Variants in UTS2 observed in about 807,000 individuals in gnomAD.
The protein encoded by UTS2 is urotensin-2.
UTS2 carries 10 observed loss-of-function variants against 12.6 expected under a neutral mutation model. The observed-to-expected ratio is 0.80, with a 90% CI of 0.49 to 1.35. The LOEUF (loss-of-function observed/expected upper bound fraction) is 1.35. Ranked by LOEUF, UTS2 falls within the 40% of genes most tolerant of loss-of-function variation. The probability of loss-of-function intolerance (pLI) is 0.00; values close to 1 mark genes in which losing one functional copy is unlikely to be tolerated. For missense variants in UTS2, 142 were observed against 143.2 expected, an observed-to-expected ratio of 0.99 and a Z score of 0.04; for synonymous variants, 52 against 50.0, an observed-to-expected ratio of 1.04 and a Z score of -0.17.
chr1:7,853,880 T>A (rs138772078), upstream of UTS2, among the ~76,000 whole-genome samples: 111 of 152,346 alleles, frequency 7.3e-4, no homozygotes, highest in Middle Eastern at 0.027. Flanking sequence ...AGCATCTGCA[T>A]AAGTCAGATC....
chr1:7,867,090 G>C, the UTS2 span, among the ~76,000 whole-genome samples: 3 of 152,090 alleles, frequency 2.0e-5, no homozygotes, highest in African/African-American at 7.2e-5. Context: ...GGATGGTCTT[G>C]AACTCCTGAC....
At chr1:7,890,964 T>TCCCC in the UTS2 span, among the ~76,000 whole-genome samples, 1,336 of 82,234 alleles carry the variant, frequency 0.016, 13 homozygotes, top group Non-Finnish European at 0.027. Context: ...TGTGATACCC[T>TCCCC]CCACCCCCCC....
chr1:7,885,234 T>C, the UTS2 span, among the ~76,000 whole-genome samples: 1 of 152,240 alleles, frequency 6.6e-6, no homozygotes, highest in Non-Finnish European at 1.5e-5. Flanking sequence ...TGGAAAGTTT[T>C]CCAAAGGTAA....
the UTS2 span, among the ~76,000 whole-genome samples, chr1:7,894,492 C>T: frequency 1.3e-5 from 2 of 152,150 alleles, no homozygotes; most frequent in African/African-American, 4.8e-5. Flanking sequence ...GATTTCTTAG[C>T]ACAAGGGCTG....
chr1:7,861,932 G>C, the UTS2 span, among the ~76,000 whole-genome samples: 1 of 144,464 alleles, frequency 6.9e-6, no homozygotes. Context: ...TTTTTTTTCT[G>C]AGATGGAGTC....
At chr1:7,859,359 C>A in the UTS2 span, among the ~76,000 whole-genome samples, 6 of 151,782 alleles carry the variant, frequency 4.0e-5, no homozygotes, top group Non-Finnish European at 8.8e-5. Flanking sequence ...TACTGAATGC[C>A]TCGTCTGTCA....
At chr1:7,878,650 G>T in the UTS2 span, among the ~76,000 whole-genome samples, 1 of 151,878 alleles carries the variant, frequency 6.6e-6, no homozygotes, top group Non-Finnish European at 1.5e-5. Flanking sequence ...GATCACTGGA[G>T]CCCAGGAGTT....
At chr1:7,905,443 G>A in the UTS2 span, among the ~76,000 whole-genome samples, 552 of 149,844 alleles carry the variant, frequency 3.7e-3, 19 homozygotes, top group East Asian at 0.088. Flanking sequence ...GTGCCAGGCC[G>A]TAATTAACAT....
At chr1:7,889,894 G>C in the UTS2 span, among the ~76,000 whole-genome samples, 1 of 152,108 alleles carries the variant, frequency 6.6e-6, no homozygotes, top group South Asian at 2.1e-4. Flanking sequence ...GTGAAACCCC[G>C]TCTCTATTAA....
chr1:7,866,802 G>A, the UTS2 span, among the ~76,000 whole-genome samples: 1 of 152,092 alleles, frequency 6.6e-6, no homozygotes, highest in South Asian at 2.1e-4. This position sits in a 1 kb window ranked among gnomAD's most constrained non-coding sequence, Gnocchi z 4.5. Flanking sequence ...TCATCCCCAG[G>A]GCTGACCATG....
chr1:7,899,449 A>G, the UTS2 span, among the ~76,000 whole-genome samples: 1 of 152,172 alleles, frequency 6.6e-6, no homozygotes, highest in Non-Finnish European at 1.5e-5. Context: ...AAATAAAATA[A>G]TAATGTTTAC....
At chr1:7,897,788 T>G in the UTS2 span, among the ~76,000 whole-genome samples, 7 of 152,250 alleles carry the variant, frequency 4.6e-5, no homozygotes, top group Middle Eastern at 0.01. Flanking sequence ...GGTTTCACCA[T>G]GTTGGCCAGG....
upstream of UTS2, among the ~76,000 whole-genome samples, chr1:7,857,678 C>G (rs1326825635): frequency 6.6e-6 from 1 of 151,784 alleles, no homozygotes; most frequent in Non-Finnish European, 1.5e-5. Flanking sequence ...CTAGTGAGAC[C>G]CTGTCTCTAC....
the UTS2 span, among the ~76,000 whole-genome samples, chr1:7,887,222 C>T: frequency 6.6e-6 from 1 of 151,676 alleles, no homozygotes; most frequent in Admixed American, 6.6e-5. Context: ...TGAGAGGTTC[C>T]ATGATGGCAT....
At chr1:7,894,899 C>A in the UTS2 span, among the ~76,000 whole-genome samples, 1 of 152,136 alleles carries the variant, frequency 6.6e-6, no homozygotes, top group East Asian at 1.9e-4. Flanking sequence ...CCACCGCATT[C>A]CAGCCTGGGC....
chr1:7,902,390 C>A, the UTS2 span, among the ~76,000 whole-genome samples: 5 of 152,234 alleles, frequency 3.3e-5, no homozygotes, highest in African/African-American at 1.2e-4. Flanking sequence ...ACAATGTAGT[C>A]ATTTTGGTAA....
the UTS2 span, among the ~76,000 whole-genome samples, chr1:7,881,259 G>T: frequency 2.0e-5 from 3 of 152,132 alleles, no homozygotes; most frequent in Non-Finnish European, 1.5e-5. Flanking sequence ...TTACCACTCT[G>T]ATTCAACATA....
intron 1 of UTS2, among the ~76,000 whole-genome samples, chr1:7,852,087 C>T (rs2151383317): frequency 6.6e-6 from 1 of 151,968 alleles, no homozygotes; most frequent in South Asian, 2.1e-4. Flanking sequence ...CATCAGAAAG[C>T]TGCTTGGGAT....
At chr1:7,879,179 G>A in the UTS2 span, among the ~76,000 whole-genome samples, 2 of 152,106 alleles carry the variant, frequency 1.3e-5, no homozygotes, top group South Asian at 4.1e-4. Context: ...ACATTTACAG[G>A]ACATTTTATC....
Sources: allele counts gnomAD v4.1 joint callset (sites outside exome capture counted in the v4.1 genomes callset), GRCh38; gene constraint gnomAD v4.1.1; non-coding constraint Gnocchi (gnomAD v3.1); transcripts MANE v1.5; gene names NCBI Gene and HGNC (gene_info 2026-07-23, HGNC 2026-07-21).